Variants in PLCD4 observed in about 807,000 individuals in gnomAD.
PLCD4 encodes the protein 1-phosphatidylinositol 4,5-bisphosphate phosphodiesterase delta-4.
PLCD4 carries 63 observed loss-of-function variants against 90.2 expected under a neutral mutation model. The ratio of observed to expected loss-of-function variants is 0.70; its 90% CI spans 0.57 to 0.86. The LOEUF (loss-of-function observed/expected upper bound fraction) is 0.86, where lower values mean the gene tolerates loss of function less well. Among genes scored for constraint, PLCD4 ranks in the 40% least tolerant of loss-of-function variants. The pLI is 0.00. For synonymous variants in PLCD4, 294 were observed against 356.5 expected, an observed-to-expected ratio of 0.82 and a Z score of 1.97; for missense variants, 830 against 956.3, an observed-to-expected ratio of 0.87 and a Z score of 1.74.
rs1436359724 is a variant in PLCD4 at position 218,634,104 on chromosome 2, GGCAATGAGTTTGT to G, written c.1610_1622del (p.Asn537SerfsTer7). The stretch of plus-strand genomic sequence containing the variant: ...ATCTCCCTCTCTATACCCTTTTACA[GGCAATGAGTTTGT>G]GCAGCACAATACTTGGCAGTTAAGC... On this transcript the variant is annotated frameshift_variant and splice_region_variant, in exon 12 of 16. Transcript: ENST00000450993. LOFTEE classifies it high-confidence loss of function. This position sits in a 1 kb window ranked among gnomAD's most constrained non-coding sequence, Gnocchi z 4.0. The G allele has an allele frequency of 6.2e-7, 1 of 1,607,352 alleles. No individual in the cohort carries two copies.
chr2:218,617,201 T>C (rs1458741039), intron 3 of PLCD4, among the ~76,000 whole-genome samples: 1 of 144,664 alleles, frequency 6.9e-6, no homozygotes, highest in East Asian at 2.2e-4. Context: ...CCTGACCCCG[T>C]GATCCGCCTG....
chr2:218,612,579 C>G (rs1695389475), intron 1 of PLCD4, among the ~76,000 whole-genome samples: 1 of 152,150 alleles, frequency 6.6e-6, no homozygotes. Context: ...GGAGACCAGC[C>G]TGGCCAACAC....
rs192710322 is a variant in PLCD4, at chr2:218,623,796, C to T, written c.772+918C>T. On this transcript the variant is annotated intron_variant, in intron 6 of 15. Transcript: ENST00000450993. ...CTCCCGGGTTCAAGCAATTCTCCTG[C>T]CTTAGCCTCCCGAGTAGCTGGGATT... Among the ~76,000 whole-genome samples, 132 of 152,344 alleles carry T rather than the reference C, an allele frequency of 8.7e-4. 1 individual carries two copies. The highest frequency in any genetic ancestry group is 6.9e-3 in the Admixed American group (105 of 15,294).
chr2:218,621,685 T>C (rs1695886404), intron 5 of PLCD4, 86 bp downstream of exon 5: 1 of 1,523,180 alleles, frequency 6.6e-7, no homozygotes, highest in Non-Finnish European at 9.0e-7. Context: ...TCCACAACAC[T>C]CAATTGTTAA....
chr2:218,611,199 C>T (rs1428064524), intron 1 of PLCD4, among the ~76,000 whole-genome samples: 2 of 152,136 alleles, frequency 1.3e-5, no homozygotes, highest in Non-Finnish European at 2.9e-5. Flanking sequence ...GACCACATGT[C>T]AGTCATGTGA....
rs1435719681 is a variant in PLCD4, at chr2:218,627,152, T to G, written c.773-877T>G. Among the ~76,000 whole-genome samples the G allele has an allele frequency of 9.3e-5, 14 of 150,316 alleles. No individual in the cohort carries two copies. The East Asian group carries it at 2.8e-3, about 30-fold the overall frequency. ...GGGGGGCGCCTGTAGTCCCAGCTACTCGGGAGCCTGAGGCAGGAGAATGGC... is the reference window on the plus strand; with the variant it reads ...GGGGGGCGCCTGTAGTCCCAGCTACGCGGGAGCCTGAGGCAGGAGAATGGC... On this transcript the variant is annotated intron_variant, in intron 6 of 15. Transcript: ENST00000450993.
chr2:218,630,781 C>G lies in PLCD4; in HGVS notation c.1251C>G (p.Pro417=). 1 of 1,613,474 alleles carries G rather than the reference C, an allele frequency of 6.2e-7. No homozygotes were observed. Among genetic ancestry groups the G allele is most frequent in the South Asian group, 1.1e-5 (1 of 90,984 alleles). Reference sequence around the variant, plus strand: ...GCACCACCTTGGATGGGGTGCTGCCCACTCAGCTGCCCTCGCCTGAGGTAG... The same window carrying G: ...GCACCACCTTGGATGGGGTGCTGCCGACTCAGCTGCCCTCGCCTGAGGTAG... ...LLSTTLDGVL[P]TQLPSPEELR... is the part of the protein sequence containing the mutation. Residue 417 remains proline (P), a synonymous_variant, in exon 9 of 16, where the codon CCC becomes CCG. Transcript: ENST00000450993.
chr2:218,617,206 C>T (rs1203399812), intron 3 of PLCD4, among the ~76,000 whole-genome samples: 1 of 146,450 alleles, frequency 6.8e-6, no homozygotes, highest in Non-Finnish European at 1.5e-5. Context: ...CCCCGTGATC[C>T]GCCTGCCTCG....
At chr2:218,627,937 C>G in intron 6 of PLCD4, 92 bp from the exon 7 acceptor site, 1 of 1,220,270 alleles carries the variant, frequency 8.2e-7, no homozygotes, top group South Asian at 1.4e-5. Context: ...AGGCAGGGCT[C>G]TGGATGGAGT....
intron 11 of PLCD4, 86 bp downstream of exon 11, chr2:218,633,847 A>G (rs764595756): frequency 5.4e-6 from 8 of 1,489,860 alleles, no homozygotes; most frequent in Non-Finnish European, 7.4e-6. Context: ...CCAAGAAAAA[A>G]GACAAGGTAG....
chr2:218,629,358 G>A (rs1290762883), intron 7 of PLCD4, 161 bp from the exon 8 acceptor site: 4 of 767,572 alleles, frequency 5.2e-6, no homozygotes, highest in Non-Finnish European at 8.1e-6. Flanking sequence ...GCTTGCAGCA[G>A]TGTCCCCATG....
intron 1 of PLCD4, among the ~76,000 whole-genome samples, chr2:218,615,121 G>C (rs1018836454): frequency 6.6e-6 from 1 of 152,070 alleles, no homozygotes; most frequent in Non-Finnish European, 1.5e-5. Flanking sequence ...CCAGCTACTC[G>C]GGAGGCCGAG....
intron 7 of PLCD4, 154 bp from the exon 8 acceptor site, chr2:218,629,365 C>T: frequency 2.4e-6 from 2 of 832,214 alleles, no homozygotes; most frequent in Admixed American, 2.8e-5. Flanking sequence ...GCAGTGTCCC[C>T]ATGGATGGAG....
chr2:218,621,672 C>T (rs964102114), intron 5 of PLCD4, 73 bp downstream of exon 5: 16 of 1,549,982 alleles, frequency 1.0e-5, no homozygotes, highest in Non-Finnish European at 1.4e-5. Context: ...CCTCTGACCC[C>T]AGTCCACAAC....
At chr2:218,620,946 T>C (rs1482087808) in intron 4 of PLCD4, among the ~76,000 whole-genome samples, 2 of 151,502 alleles carry the variant, frequency 1.3e-5, no homozygotes, top group Non-Finnish European at 2.9e-5. Context: ...TTGTTTTGTT[T>C]TGAGACAGAA....
At position 218,621,465 on chromosome 2, in the gene PLCD4, C is replaced by T. The variant is rs1375574676; in HGVS notation, c.411-5C>T. 1.9e-6 allele frequency: 3 copies of T among 1,613,784 alleles called. No homozygotes were observed. The highest frequency in any genetic ancestry group is 1.7e-4 in the Middle Eastern group (1 of 6,060). On this transcript the variant is annotated splice_region_variant and splice_polypyrimidine_tract_variant and intron_variant, in intron 4 of 15. Transcript: ENST00000450993. ...ATTAGTGCTTTTGCCTTGACTCATA[C>T]CTGGATGGCTGAGCGATTGGTTTCA...
At chr2:218,633,212 A>G in intron 10 of PLCD4, 1 of 594,172 alleles carries the variant, frequency 1.7e-6, no homozygotes. Context: ...ACCAAAGGTT[A>G]TTGTTCCTTT....
At chr2:218,617,530 T>C (rs1275128219) in intron 3 of PLCD4, among the ~76,000 whole-genome samples, 3 of 151,472 alleles carry the variant, frequency 2.0e-5, no homozygotes, top group South Asian at 2.1e-4. Flanking sequence ...TGAGCTGAGA[T>C]TGTGCCATTG....
intron 1 of PLCD4, chr2:218,610,091 T>C (rs1342045029): frequency 6.6e-6 from 1 of 151,914 alleles, no homozygotes; most frequent in Non-Finnish European, 1.5e-5. Context: ...AAACTAGGGC[T>C]ACACAGGGAG....
Sources: gnomAD v4.1 joint callset for allele counts (sites outside exome capture counted in the v4.1 genomes callset) on GRCh38, gnomAD v4.1.1 for gene constraint, Gnocchi (gnomAD v3.1) non-coding constraint, MANE v1.5 for transcripts, NCBI Gene and HGNC (gene_info 2026-07-23, HGNC 2026-07-21) for gene names.